Variants in MIPOL1 observed in about 807,000 individuals in gnomAD.
MIPOL1 encodes mirror-image polydactyly 1.
In MIPOL1, 57 loss-of-function variants were observed where a neutral mutation model predicts 60.9. The observed-to-expected ratio is 0.94, with a 90% CI of 0.76 to 1.17. The LOEUF is 1.17. Ranked by LOEUF, MIPOL1 falls within the 50% of genes most tolerant of loss-of-function variation. The pLI, the probability that MIPOL1 is intolerant of heterozygous loss-of-function variation, is 0.00. For missense variants in MIPOL1, 551 were observed against 511.6 expected (o/e 1.08, Z -0.74); for synonymous variants, 179 against 168.8 (o/e 1.06, Z -0.47).
chr14:37,437,374 T>A (rs2094177768), intron 11 of MIPOL1, among the ~76,000 whole-genome samples: 1 of 150,980 alleles, frequency 6.6e-6, no homozygotes, highest in Non-Finnish European at 1.5e-5. Flanking sequence ...TTAGTTGTCC[T>A]ATCAAGCTTG....
chr14:37,381,944 T>C (rs2153510216), intron 10 of MIPOL1, among the ~76,000 whole-genome samples: 1 of 152,018 alleles, frequency 6.6e-6, no homozygotes, highest in South Asian at 2.1e-4. Flanking sequence ...AGACTTTGTG[T>C]TTGGAAGGTA....
In MIPOL1 at chr14:37,537,302, A is replaced by G. The variant is rs187068936; in HGVS notation, c.1263-9603A>G. 1.3e-3 allele frequency among the ~76,000 whole-genome samples: 198 copies of G among 152,326 alleles called. 1 individual carries two copies. Among genetic ancestry groups the G allele is most frequent in the African/African-American group, 4.4e-3 (185 of 41,588 alleles). On this transcript the variant is annotated intron_variant, in intron 12 of 12. Coordinates refer to ENST00000684589, the MANE Select transcript of MIPOL1 (RefSeq NM_001388067.1). ...TTTCAATGCCACCTTAGCTAGGCTA[A>G]GATTTTTAACACTATCCTTTGTCAA... is the stretch of plus-strand genomic sequence containing the variant.
intron 6 of MIPOL1, among the ~76,000 whole-genome samples, chr14:37,284,595 G>A (rs1290481493): frequency 1.3e-5 from 2 of 152,020 alleles, no homozygotes; most frequent in Non-Finnish European, 2.9e-5. Flanking sequence ...CACCTGCCTC[G>A]GCCTCCCAAA....
intron 11 of MIPOL1, among the ~76,000 whole-genome samples, chr14:37,457,073 T>C (rs547198015): frequency 1.7e-4 from 26 of 152,248 alleles, no homozygotes; most frequent in Middle Eastern, 6.8e-3. Context: ...AAAAGACTCG[T>C]CATGAAAAGA....
intron 11 of MIPOL1, among the ~76,000 whole-genome samples, chr14:37,495,363 G>A (rs1341751149): frequency 6.9e-6 from 1 of 144,612 alleles, no homozygotes; most frequent in Non-Finnish European, 1.5e-5. Context: ...TCCCACCTAT[G>A]AGTGAGACTA....
chr14:37,329,344 A>T (rs143798205), intron 9 of MIPOL1, among the ~76,000 whole-genome samples: 121 of 152,340 alleles, frequency 7.9e-4, no homozygotes, highest in South Asian at 1.2e-3. Flanking sequence ...TTGGTTAATC[A>T]GTACACAAAT....
chr14:37,533,167 A>G (rs1208000441), intron 12 of MIPOL1, among the ~76,000 whole-genome samples: 1 of 152,152 alleles, frequency 6.6e-6, no homozygotes, highest in African/African-American at 2.4e-5. Context: ...TTTTAGAAAA[A>G]TGAATCACTC....
At chr14:37,475,522 T>C (rs2094758297) in intron 11 of MIPOL1, among the ~76,000 whole-genome samples, 2 of 152,206 alleles carry the variant, frequency 1.3e-5, no homozygotes, top group Admixed American at 1.3e-4. Context: ...AGATTTTCTC[T>C]TGTTTTCTTT....
chr14:37,317,825 A>T (rs1311726154), intron 9 of MIPOL1, among the ~76,000 whole-genome samples: 1 of 152,158 alleles, frequency 6.6e-6, no homozygotes, highest in Non-Finnish European at 1.5e-5. Context: ...ATAGGAAAAA[A>T]TCCCTAAATG....
At chr14:37,402,411 G>A (rs1247572108) in intron 10 of MIPOL1, among the ~76,000 whole-genome samples, 2 of 152,206 alleles carry the variant, frequency 1.3e-5, no homozygotes, top group Non-Finnish European at 2.9e-5. Context: ...ATAGGAAAAA[G>A]ATGTGAAAGA....
intron 1 of MIPOL1, among the ~76,000 whole-genome samples, chr14:37,241,000 G>T (rs1375461649): frequency 6.6e-6 from 1 of 152,018 alleles, no homozygotes; most frequent in Non-Finnish European, 1.5e-5. Context: ...CTATGTGATT[G>T]TGGAGGCTAA....
At chr14:37,473,429 A>AGACACT (rs953621159) in intron 11 of MIPOL1, among the ~76,000 whole-genome samples, 5 of 152,088 alleles carry the variant, frequency 3.3e-5, no homozygotes, top group Non-Finnish European at 7.4e-5. Flanking sequence ...AAATGAACAC[A>AGACACT]GACACTATAC....
intron 12 of MIPOL1, among the ~76,000 whole-genome samples, chr14:37,508,601 A>G (rs1326377382): frequency 1.3e-5 from 2 of 152,188 alleles, no homozygotes; most frequent in Non-Finnish European, 2.9e-5. Flanking sequence ...CCTGGATATA[A>G]AACACTATGC....
chr14:37,329,553 T>C (rs2089493920), intron 9 of MIPOL1, among the ~76,000 whole-genome samples: 1 of 152,168 alleles, frequency 6.6e-6, no homozygotes, highest in African/African-American at 2.4e-5. Flanking sequence ...TAACAATGTT[T>C]GGGCAGCACA....
chr14:37,461,169 T>C (rs146257831), intron 11 of MIPOL1, among the ~76,000 whole-genome samples: 193 of 152,282 alleles, frequency 1.3e-3, no homozygotes, highest in African/African-American at 4.3e-3. Flanking sequence ...TTCACACTGC[T>C]GATAAAGACA....
chr14:37,466,346 G>A (rs973271466), intron 11 of MIPOL1, among the ~76,000 whole-genome samples: 20 of 152,262 alleles, frequency 1.3e-4, no homozygotes, highest in South Asian at 2.1e-4. Context: ...TTTTTCTGAG[G>A]AAGATAATAA....
chr14:37,319,843 T>G (rs536660285), intron 9 of MIPOL1, among the ~76,000 whole-genome samples: 1 of 152,260 alleles, frequency 6.6e-6, no homozygotes, highest in South Asian at 2.1e-4. Flanking sequence ...CTCCTCTTAT[T>G]TCTGTCTCCA....
chr14:37,202,071 G>A (rs2139110043), intron 1 of MIPOL1, among the ~76,000 whole-genome samples: 1 of 152,120 alleles, frequency 6.6e-6, no homozygotes, highest in East Asian at 1.9e-4. Context: ...CTGGCCTCAG[G>A]TCCTCCTGCC....
intron 11 of MIPOL1, among the ~76,000 whole-genome samples, chr14:37,432,224 T>C (rs933602805): frequency 1.3e-5 from 2 of 152,226 alleles, no homozygotes; most frequent in Admixed American, 1.3e-4. Context: ...CTGTGTAAAA[T>C]TCCTACCATA....
Sources: allele counts gnomAD v4.1 joint callset (sites outside exome capture counted in the v4.1 genomes callset), GRCh38; gene constraint gnomAD v4.1.1; transcripts MANE v1.5; gene names NCBI Gene and HGNC (gene_info 2026-07-23, HGNC 2026-07-21).